Variants in GRAMD1A observed in about 807,000 individuals in gnomAD.
GRAMD1A encodes GRAM domain containing 1A.
Under a neutral mutation model 92.0 loss-of-function variants are expected in GRAMD1A, and 50 were observed. That is an observed-to-expected ratio of 0.54 (90% CI 0.43 to 0.69). The LOEUF (loss-of-function observed/expected upper bound fraction) is 0.69, where lower values mean the gene tolerates loss of function less well. Among genes scored for constraint, GRAMD1A ranks in the 30% least tolerant of loss-of-function variants. The pLI, the probability that GRAMD1A is intolerant of heterozygous loss-of-function variation, is 0.00. For synonymous variants in GRAMD1A, 405 were observed against 403.6 expected (o/e 1.00, Z -0.04); for missense variants, 819 against 978.9 (o/e 0.84, Z 2.18).
chr19:35,010,669 ATGT>A, intron 6 of GRAMD1A: 1 of 586,074 alleles, frequency 1.7e-6, no homozygotes, highest in Non-Finnish European at 3.0e-6. Context: ...AGTCTCCCCG[ATGT>A]TGTGTCCTGT....
At chr19:35,006,166 C>T (rs974249074) in intron 1 of GRAMD1A, among the ~76,000 whole-genome samples, 1 of 152,022 alleles carries the variant, frequency 6.6e-6, no homozygotes, top group South Asian at 2.1e-4. Flanking sequence ...TACTAAAATA[C>T]AAAAAATTAG....
At position 35,013,357 on chromosome 19, in the gene GRAMD1A, G is replaced by C; in HGVS notation, c.708G>C (p.Leu236=). The change falls in exon 8 of 20, where the codon CTG becomes CTC. Residue 236 remains leucine, a synonymous_variant. Transcript: ENST00000317991. This position sits in a 1 kb window ranked among gnomAD's most constrained non-coding sequence, Gnocchi z 4.9. ...AGGACTATGTCTCCCCCTTGCAGCT[G>C]AACGGTCTGGGGTGAGTTGGAGGTC... ...EDEDYVSPLQ[L]NGLGTPKEVG... is the part of the protein sequence containing the mutation. 6.4e-7 allele frequency: 1 copy of C among 1,553,820 alleles called. No individual in the cohort carries two copies. Among genetic ancestry groups the C allele is most frequent in the Middle Eastern group, 1.7e-4 (1 of 5,986 alleles).
chr19:35,010,044 T>C, intron 4 of GRAMD1A, 48 bp from the exon 5 acceptor site: 1 of 1,534,102 alleles, frequency 6.5e-7, no homozygotes, highest in Non-Finnish European at 9.0e-7. Flanking sequence ...GGGCGCCGGC[T>C]GAGCCTCGTG....
chr19:35,000,041 C>G, upstream of GRAMD1A: 1 of 985,206 alleles, frequency 1.0e-6, no homozygotes, highest in African/African-American at 1.7e-5. This position sits in a 1 kb window ranked among gnomAD's most constrained non-coding sequence, Gnocchi z 4.9. Flanking sequence ...TGCTAGGGAC[C>G]CTTTTCTAGG....
upstream of GRAMD1A, chr19:34,996,077 C>T (rs1171392140): frequency 5.2e-6 from 8 of 1,535,672 alleles, no homozygotes; most frequent in Non-Finnish European, 7.0e-6. Flanking sequence ...ACAGGGCAGT[C>T]CCCAGGGCTC....
rs2014246874 is a variant in GRAMD1A, at chr19:35,000,323, C to G, written c.-156C>G. On this transcript the variant is annotated 5_prime_UTR_variant, in exon 1 of 20. Coordinates refer to ENST00000317991, the MANE Select transcript of GRAMD1A (RefSeq NM_020895.5). This position sits in a 1 kb window ranked among gnomAD's most constrained non-coding sequence, Gnocchi z 4.9. ...CGCGGCGGCCTCCGGCGGCTCCGGC[C>G]TTTTGTGCGGGCGGTTGGGTCGGGT... 9.4e-7 allele frequency: 1 copy of G among 1,058,450 alleles called. No homozygotes were observed. Among genetic ancestry groups the G allele is most frequent in the Non-Finnish European group, 1.1e-6 (1 of 878,808 alleles). 65.6% of individuals were successfully genotyped at this position (1,058,450 alleles called of 1,614,324 possible).
rs755621608 is a variant in GRAMD1A at position 35,010,314 on chromosome 19, C to G, written c.460C>G (p.Leu154Val). 6.2e-7 allele frequency: 1 copy of G among 1,613,766 alleles called. No individual in the cohort carries two copies. Among genetic ancestry groups the G allele is most frequent in the Non-Finnish European group, 8.5e-7 (1 of 1,179,598 alleles). Residue 154 changes from leucine (L) to valine (V), a missense_variant, in exon 6 of 20, where the codon CTG (leucine) becomes GTG (valine). This residue lies in a region of GRAMD1A where 144 missense variants were observed against 220.3 expected (regional missense o/e 0.65). Coordinates refer to ENST00000317991, the MANE Select transcript of GRAMD1A (RefSeq NM_020895.5). ...CATCCAGCTGAAGGAAGTGACATGT[C>G]TGAAGAAGGAAAAGACGGCCAAGCT... ...ISIQLKEVTC[L>V]KKEKTAKLIP...
chr19:35,010,045 G>C, intron 4 of GRAMD1A, 47 bp from the exon 5 acceptor site: 1 of 1,537,862 alleles, frequency 6.5e-7, no homozygotes, highest in African/African-American at 1.4e-5. Flanking sequence ...GGCGCCGGCT[G>C]AGCCTCGTGA....
Position 35,021,904 on chromosome 19 carries a change from C to CG in GRAMD1A, c.1754-42dup. On this transcript the variant is annotated intron_variant, in intron 15 of 19. Transcript: ENST00000317991. The surrounding 1 kb of genome is among the most constrained non-coding windows in gnomAD (Gnocchi z 5.3). ...GGCCGGGTTGGGGTAGGCGGAGGATCGGGGGTCCTGGACTGGGCCATCTGA... is the reference window on the plus strand; with the variant it reads ...GGCCGGGTTGGGGTAGGCGGAGGATCGGGGGGTCCTGGACTGGGCCATCTGA... 1 of 1,609,014 alleles carries CG rather than the reference C, an allele frequency of 6.2e-7. No individual in the cohort carries two copies. The highest frequency in any genetic ancestry group is 1.1e-5 in the South Asian group (1 of 90,476).
chr19:35,023,367 G>T, intron 18 of GRAMD1A, 24 bp downstream of exon 18: 1 of 1,613,298 alleles, frequency 6.2e-7, no homozygotes, highest in Non-Finnish European at 8.5e-7. Context: ...CTGGGGAAAT[G>T]GGGGGGCTTG....
At chr19:34,995,573 T>G (rs960607605), upstream of GRAMD1A, among the ~76,000 whole-genome samples, 11 of 86,158 alleles carry the variant, frequency 1.3e-4, no homozygotes, top group Non-Finnish European at 2.6e-5. Flanking sequence ...GATCACGGGT[T>G]TTTTTTTTTT....
intron 19 of GRAMD1A, 74 bp from the exon 20 acceptor site, chr19:35,025,975 C>A (rs1600352601): frequency 2.5e-6 from 2 of 806,214 alleles, no homozygotes; most frequent in Admixed American, 3.4e-5. Context: ...TTCTCAATGG[C>A]AAGGTGGGGG....
intron 19 of GRAMD1A, among the ~76,000 whole-genome samples, chr19:35,024,501 TAG>T (rs1311912339): frequency 6.6e-6 from 1 of 151,418 alleles, no homozygotes; most frequent in Non-Finnish European, 1.5e-5. Flanking sequence ...GAGCAAGTGT[TAG>T]GCACTCGGGG....
chr19:35,010,433 TCC>T, intron 6 of GRAMD1A, 54 bp downstream of exon 6: 1 of 1,160,310 alleles, frequency 8.6e-7, no homozygotes, highest in Non-Finnish European at 1.3e-6. Context: ...GCAGGCCGCC[TCC>T]CCCAAACATG....
intron 7 of GRAMD1A, among the ~76,000 whole-genome samples, chr19:35,011,928 C>T (rs762676015): frequency 3.3e-5 from 5 of 152,196 alleles, no homozygotes; most frequent in Admixed American, 1.3e-4. Context: ...GCGGCACTCA[C>T]GCGCTGCCTT....
At chr19:35,007,379 G>GA (rs1480594013) in intron 1 of GRAMD1A, among the ~76,000 whole-genome samples, 1 of 152,192 alleles carries the variant, frequency 6.6e-6, no homozygotes, top group Non-Finnish European at 1.5e-5. Context: ...CCAACATGGT[G>GA]AAACCCTGTC....
At chr19:35,014,879 A>AAAAAG (rs75371803) in intron 10 of GRAMD1A, 21 of 166,158 alleles carry the variant, frequency 1.3e-4, no homozygotes, top group East Asian at 3.3e-4. Context: ...AAGAAAAAAA[A>AAAAAG]GAAAAAACTA....
intron 9 of GRAMD1A, 46 bp from the exon 10 acceptor site, chr19:35,014,143 G>T (rs754763470): frequency 1.3e-6 from 2 of 1,551,486 alleles, no homozygotes; most frequent in Non-Finnish European, 8.9e-7. Context: ...GGAGCCCTGG[G>T]GCTGGGATGG....
Position 35,000,360 on chromosome 19 carries a change from C to G in GRAMD1A, c.-119C>G, listed in dbSNP as rs998132628. On this transcript the variant is annotated 5_prime_UTR_variant, in exon 1 of 20. Coordinates refer to ENST00000317991, the MANE Select transcript of GRAMD1A (RefSeq NM_020895.5). The surrounding 1 kb of genome is among the most constrained non-coding windows in gnomAD (Gnocchi z 4.9). ...CGGTTGGGTCGGGTGGGGGCGGCGG[C>G]CGCGGAAGGCCAGGCCGGTGCCCTG... The G allele has an allele frequency of 3.6e-5, 40 of 1,100,088 alleles. No homozygotes were observed. In the African/African-American group the frequency reaches 5.7e-4, roughly 16 times the overall value. The allele number at this position is 1,100,088 out of a possible 1,614,324, so 68.1% of individuals were successfully genotyped here. A position where few individuals can be genotyped will look rare whatever the true frequency, so the allele number is the denominator to read the frequency against.
Sources: gnomAD v4.1 joint callset for allele counts (sites outside exome capture counted in the v4.1 genomes callset) on GRCh38, gnomAD v4.1.1 for gene constraint, gnomAD v4.1.1 regional missense constraint, Gnocchi (gnomAD v3.1) non-coding constraint, MANE v1.5 for transcripts, NCBI Gene and HGNC (gene_info 2026-07-23, HGNC 2026-07-21) for gene names.